LRCH3: variants seen among roughly 807,000 people sequenced by gnomAD.
LRCH3 encodes the protein leucine rich repeats and calponin homology domain containing 3, also known as DISP complex protein LRCH3.
Under a neutral mutation model 104.5 loss-of-function variants are expected in LRCH3, and 68 were observed. That is an observed-to-expected ratio of 0.65 (90% confidence interval 0.54 to 0.80). LRCH3 has a LOEUF of 0.80. LRCH3 is among the 30% of genes least tolerant of loss of function. The pLI is 0.00. For missense variants in LRCH3, 951 were observed against 953.9 expected (o/e 1.00, Z 0.04); for synonymous variants, 344 against 361.3 (o/e 0.95, Z 0.54).
At chr3:197,820,291 A>T in intron 3 of LRCH3, 34 bp from the exon 4 acceptor site, 1 of 1,445,116 alleles carries the variant, frequency 6.9e-7, no homozygotes, top group Non-Finnish European at 9.7e-7. Context: ...TTGTAATGTT[A>T]GGACAATCTT....
rs757216419 is a variant in LRCH3, at chr3:197,814,981, G to C, written c.336G>C (p.Leu112Phe). ...CHFVSLENLN[L>F]YQNCIRYIPE... Reference sequence around the variant, plus strand: ...TTGTTTCTCTGGAAAATCTCAACTTGTACCAAAATTGTATTCGTTATATTC... The same window carrying C: ...TTGTTTCTCTGGAAAATCTCAACTTCTACCAAAATTGTATTCGTTATATTC... Residue 112 changes from leucine to phenylalanine, a missense_variant, in exon 2 of 21, where the codon TTG becomes TTC. Leu to Phe is a conservative substitution (Grantham distance 22). Transcript: ENST00000425562. 6.3e-7 allele frequency: 1 copy of C among 1,593,098 alleles called. No individual in the cohort carries two copies. Among genetic ancestry groups the C allele is most frequent in the Admixed American group, 1.7e-5 (1 of 58,366 alleles).
chr3:197,805,232 G>C (rs1483132335), intron 1 of LRCH3, among the ~76,000 whole-genome samples: 2 of 152,086 alleles, frequency 1.3e-5, no homozygotes, highest in African/African-American at 4.8e-5. Flanking sequence ...ATATGTGATT[G>C]CTTTTCCTGA....
intron 20 of LRCH3, chr3:197,882,385 C>A (rs756410260): frequency 1.1e-4 from 109 of 982,128 alleles, no homozygotes; most frequent in Non-Finnish European, 1.3e-4. Flanking sequence ...ATTACAGTTA[C>A]CTCATTTTAT....
chr3:197,792,577 T>TATATATATATATA (rs1730660774), intron 1 of LRCH3, among the ~76,000 whole-genome samples: 8 of 20,344 alleles, frequency 3.9e-4, no homozygotes, highest in East Asian at 2.7e-3. Flanking sequence ...CCAGCTAATT[T>TATATATATATATA]TATATATATA....
At chr3:197,809,202 G>A (rs1277317095) in intron 1 of LRCH3, among the ~76,000 whole-genome samples, 4 of 151,900 alleles carry the variant, frequency 2.6e-5, no homozygotes, top group African/African-American at 9.7e-5. Context: ...GGAGACTGGG[G>A]TGGGAGGATC....
intron 10 of LRCH3, among the ~76,000 whole-genome samples, chr3:197,844,829 C>T (rs901531989): frequency 1.3e-5 from 2 of 151,866 alleles, no homozygotes; most frequent in African/African-American, 2.4e-5. Context: ...CCATGTTGAC[C>T]AGGATGGCCT....
chr3:197,873,286 A>G (rs1411995547), intron 19 of LRCH3, among the ~76,000 whole-genome samples: 3 of 152,154 alleles, frequency 2.0e-5, no homozygotes, highest in Non-Finnish European at 4.4e-5. Flanking sequence ...ATGTATCTAT[A>G]TTTGTATGTG....
At chr3:197,797,869 AAAAAC>A (rs1731415776) in intron 1 of LRCH3, among the ~76,000 whole-genome samples, 1 of 14,206 alleles carries the variant, frequency 7.0e-5, no homozygotes, top group African/African-American at 9.0e-5. Flanking sequence ...CAAAAAAAAA[AAAAAC>A]AAAAAAAACA....
At chr3:197,799,798 G>T (rs938088508) in intron 1 of LRCH3, among the ~76,000 whole-genome samples, 1 of 149,724 alleles carries the variant, frequency 6.7e-6, no homozygotes, top group Non-Finnish European at 1.5e-5. Flanking sequence ...TGCTTATCCC[G>T]GGAGGCAGAA....
intron 1 of LRCH3, among the ~76,000 whole-genome samples, chr3:197,802,045 T>C (rs1163632477): frequency 6.6e-6 from 1 of 152,198 alleles, no homozygotes; most frequent in Admixed American, 6.5e-5. Context: ...CAAGCCAGCA[T>C]TGGTGTGTCA....
chr3:197,794,808 C>T (rs1398685835), intron 1 of LRCH3, among the ~76,000 whole-genome samples: 3 of 152,136 alleles, frequency 2.0e-5, no homozygotes, highest in Non-Finnish European at 4.4e-5. Flanking sequence ...AGTTCCAGAC[C>T]AGCTTGGCTA....
intron 17 of LRCH3, among the ~76,000 whole-genome samples, chr3:197,868,855 T>C (rs73892158): frequency 1.3e-3 from 191 of 152,328 alleles, no homozygotes; most frequent in African/African-American, 4.5e-3. Context: ...GCAAGGAGCA[T>C]GGAAGGGGCT....
chr3:197,846,032 G>A (rs115803659), intron 10 of LRCH3, among the ~76,000 whole-genome samples: 1,852 of 152,270 alleles, frequency 0.012, 25 homozygotes, highest in Non-Finnish European at 0.021. Flanking sequence ...ACAGATGGCC[G>A]CTAAAAGCTA....
intron 19 of LRCH3, among the ~76,000 whole-genome samples, chr3:197,872,820 A>T (rs562678196): frequency 6.6e-6 from 1 of 152,192 alleles, no homozygotes; most frequent in East Asian, 1.9e-4. Flanking sequence ...GCACCACTGC[A>T]CTCCAGCCTG....
chr3:197,793,857 T>C (rs1041558859), intron 1 of LRCH3, among the ~76,000 whole-genome samples: 1 of 152,194 alleles, frequency 6.6e-6, no homozygotes, highest in Non-Finnish European at 1.5e-5. Flanking sequence ...ATATCACTTA[T>C]GAAATATAAA....
intron 17 of LRCH3, among the ~76,000 whole-genome samples, chr3:197,867,580 G>A (rs1318744725): frequency 6.6e-6 from 1 of 151,688 alleles, no homozygotes; most frequent in Non-Finnish European, 1.5e-5. Flanking sequence ...TTGGCTGGGT[G>A]CGGTGGCTCA....
rs1472820641 is a variant in LRCH3, at chr3:197,870,219, A to G, written c.1933A>G (p.Thr645Ala). The change falls in exon 18 of 21, where the codon ACA becomes GCA. Residue 645 changes from threonine to alanine, a missense_variant. Transcript: ENST00000425562. ...APTTDSTDSI[T>A]GQNSRQREEE... is the part of the protein sequence containing the mutation. ...TACCACTGATTCTACAGATTCCATA[A>G]CAGGACAGAATTCAAGACAGAGAGA... is the stretch of plus-strand genomic sequence containing the variant. 4 of 1,613,102 alleles carry G rather than the reference A, an allele frequency of 2.5e-6. No homozygotes were observed. The highest frequency in any genetic ancestry group is 1.7e-5 in the Admixed American group (1 of 60,002).
At chr3:197,872,196 A>G (rs1006986304) in intron 19 of LRCH3, among the ~76,000 whole-genome samples, 1 of 151,890 alleles carries the variant, frequency 6.6e-6, no homozygotes, top group Non-Finnish European at 1.5e-5. Flanking sequence ...GTCTCTACCA[A>G]AAATACAAAA....
intron 17 of LRCH3, among the ~76,000 whole-genome samples, chr3:197,866,882 G>A (rs981389786): frequency 6.6e-6 from 1 of 152,214 alleles, no homozygotes. Context: ...GCTCACGCCT[G>A]TGATCCCAGT....
Sources: allele counts gnomAD v4.1 joint callset (sites outside exome capture counted in the v4.1 genomes callset), GRCh38; gene constraint gnomAD v4.1.1; transcripts MANE v1.5; gene names NCBI Gene and HGNC (gene_info 2026-07-23, HGNC 2026-07-21).